Variants in NCALD observed in about 807,000 individuals in gnomAD.
NCALD encodes neurocalcin-delta.
A neutral mutation model predicts 18.6 loss-of-function variants in NCALD; 10 were observed. The observed-to-expected ratio is 0.54, with a 90% confidence interval of 0.33 to 0.91. The LOEUF is 0.91. Among genes scored for constraint, NCALD ranks in the 40% least tolerant of loss-of-function variants. NCALD has a pLI of 0.03. For synonymous variants in NCALD, 88 were observed against 87.4 expected, an observed-to-expected ratio of 1.01 and a Z score of -0.04; for missense variants, 184 against 247.6, an observed-to-expected ratio of 0.74 and a Z score of 1.72.
chr8:101,727,032 G>A (rs1446899307), intron 1 of NCALD, among the ~76,000 whole-genome samples: 1 of 152,210 alleles, frequency 6.6e-6, no homozygotes, highest in Non-Finnish European at 1.5e-5. Flanking sequence ...GCCCTCTTCA[G>A]TGTTGTGTCC....
chr8:101,811,664 T>C (rs1813309943), intron 4 of NCALD, among the ~76,000 whole-genome samples: 1 of 152,150 alleles, frequency 6.6e-6, no homozygotes, highest in Non-Finnish European at 1.5e-5. Flanking sequence ...AGAGTTTAAG[T>C]ATCCCAAGAG....
Position 102,030,767 on chromosome 8 carries a change from T to C in NCALD, c.-209-10478A>G, listed in dbSNP as rs1163660662. ...GGTGCACGCCTGTAATCCCAGCTAC[T>C]TGGGAGGCTGAGGCATGAGAATCAC... On this transcript the variant is annotated intron_variant, in intron 1 of 6. Coordinates refer to the NCALD transcript ENST00000311028. Among the ~76,000 whole-genome samples, 3 of 151,996 alleles carry C rather than the reference T, an allele frequency of 2.0e-5. No individual in the cohort carries two copies. The East Asian group carries it at 5.8e-4, about 29-fold the overall frequency.
intron 1 of NCALD, among the ~76,000 whole-genome samples, chr8:101,744,703 G>T (rs1235382622): frequency 6.6e-6 from 1 of 152,116 alleles, no homozygotes; most frequent in African/African-American, 2.4e-5. Flanking sequence ...GGAGCAGGAA[G>T]CTATTACAAT....
intron 1 of NCALD, among the ~76,000 whole-genome samples, chr8:101,783,708 G>T (rs780633685): frequency 2.6e-5 from 4 of 152,154 alleles, no homozygotes; most frequent in Non-Finnish European, 5.9e-5. Context: ...CTGCAGGGAG[G>T]GTCCCAGTCA....
At chr8:101,919,721 G>GA (rs1818096469) in intron 2 of NCALD, among the ~76,000 whole-genome samples, 1 of 151,170 alleles carries the variant, frequency 6.6e-6, no homozygotes, top group African/African-American at 2.4e-5. Context: ...CAAAAAATGT[G>GA]AACAGACATG....
At position 102,041,115 on chromosome 8, in the gene NCALD, A is replaced by G. The variant is rs749417834; in HGVS notation, c.-209-20826T>C. 4.9e-4 allele frequency among the ~76,000 whole-genome samples: 74 copies of G among 152,334 alleles called. 1 individual carries two copies. Among genetic ancestry groups the G allele is most frequent in the Non-Finnish European group, 8.5e-4 (58 of 68,016 alleles). Reference sequence around the variant, plus strand: ...ACTCTTACTGGTAGGAGAAAATAGCATATCTGAGCAAATATCTACTTATCT... The same window carrying G: ...ACTCTTACTGGTAGGAGAAAATAGCGTATCTGAGCAAATATCTACTTATCT... On this transcript the variant is annotated intron_variant, in intron 1 of 6. Transcript: ENST00000311028.
chr8:101,943,990 A>C (rs1368082149), intron 2 of NCALD, among the ~76,000 whole-genome samples: 1 of 149,930 alleles, frequency 6.7e-6, no homozygotes, highest in Admixed American at 6.6e-5. Flanking sequence ...AAAAAAAAAC[A>C]GAAAAAAACA....
chr8:101,826,352 C>A (rs149773282), intron 4 of NCALD, among the ~76,000 whole-genome samples: 90 of 152,260 alleles, frequency 5.9e-4, no homozygotes, highest in Non-Finnish European at 9.6e-4. Context: ...GCTAAAATAT[C>A]TTCAACATTC....
rs374779304 is a variant in NCALD, at chr8:101,999,661, A to T, written c.-157+20576T>A. ...AACTCCACCTGTTCCCCCAAAACCT[A>T]TTGAAATTCAATAAAATAAAAGCAG... On this transcript the variant is annotated intron_variant, in intron 2 of 6. Transcript: ENST00000311028. Among the ~76,000 whole-genome samples, 11 of 152,280 alleles carry T rather than the reference A, an allele frequency of 7.2e-5. 1 individual carries two copies. The East Asian group carries it at 1.3e-3, about 19-fold the overall frequency.
chr8:101,976,957 C>T lies in NCALD; in HGVS notation c.-157+43280G>A, dbSNP rs138275127. ...GAGGAAGTGGGGGCCAGGGACAGTG[C>T]CAGGAAGTTAGGGAGGGCCCCTGAC... On this transcript the variant is annotated intron_variant, in intron 2 of 6. Coordinates refer to the NCALD transcript ENST00000311028. Among the ~76,000 whole-genome samples, 685 of 148,932 alleles carry T rather than the reference C, an allele frequency of 4.6e-3. 7 individuals are homozygous for T. The highest frequency in any genetic ancestry group is 0.016 in the African/African-American group (621 of 39,080).
intron 2 of NCALD, chr8:101,693,318 G>A (rs942674708): frequency 5.0e-5 from 3 of 60,000 alleles, no homozygotes; most frequent in African/African-American, 7.1e-5. Context: ...CACACAGGGC[G>A]TTTTTTTTTT....
At chr8:101,764,299 G>A (rs1304635249) in intron 1 of NCALD, among the ~76,000 whole-genome samples, 1 of 152,154 alleles carries the variant, frequency 6.6e-6, no homozygotes, top group African/African-American at 2.4e-5. Flanking sequence ...CATTGAGAAG[G>A]AGCAGCTGTC....
At chr8:101,889,754 G>A (rs1816804143) in intron 3 of NCALD, among the ~76,000 whole-genome samples, 1 of 152,080 alleles carries the variant, frequency 6.6e-6, no homozygotes, top group African/African-American at 2.4e-5. Context: ...TGTGAATGAG[G>A]GTTTTCTTCC....
intron 1 of NCALD, among the ~76,000 whole-genome samples, chr8:102,024,494 A>C (rs1822386135): frequency 6.6e-6 from 1 of 152,188 alleles, no homozygotes; most frequent in Non-Finnish European, 1.5e-5. Flanking sequence ...TATCAAGGGC[A>C]CTTATCAGGG....
intron 1 of NCALD, among the ~76,000 whole-genome samples, chr8:102,106,755 T>C (rs1587096053): frequency 6.6e-6 from 1 of 152,152 alleles, no homozygotes; most frequent in East Asian, 1.9e-4. Context: ...AGGGGAGGTG[T>C]CCTGTGTGTA....
At chr8:102,035,350 T>C (rs1342907198) in intron 1 of NCALD, among the ~76,000 whole-genome samples, 1 of 152,178 alleles carries the variant, frequency 6.6e-6, no homozygotes, top group African/African-American at 2.4e-5. Flanking sequence ...ACAGAACACA[T>C]TCCCTCCCTC....
At chr8:102,024,910 C>G (rs1050488775) in intron 1 of NCALD, among the ~76,000 whole-genome samples, 24 of 152,322 alleles carry the variant, frequency 1.6e-4, no homozygotes, top group African/African-American at 5.3e-4. Flanking sequence ...CATATTCCAG[C>G]CTTGTCAAGT....
chr8:101,704,655 G>C lies in NCALD; in HGVS notation c.379-11759C>G, dbSNP rs184681371. 4.6e-5 allele frequency among the ~76,000 whole-genome samples: 7 copies of C among 152,290 alleles called. 1 individual carries two copies. The highest frequency in any genetic ancestry group is 4.6e-4 in the Admixed American group (7 of 15,300). ...ATGGGGGCCGGGCGCGGTGGTTCAT[G>C]CCTGTAATCCCAGCACTTTGGGAGG... On this transcript the variant is annotated intron_variant, in intron 2 of 3. Coordinates refer to ENST00000220931, the MANE Select transcript of NCALD (RefSeq NM_032041.3).
chr8:101,698,134 C>A (rs1471380779), intron 2 of NCALD, among the ~76,000 whole-genome samples: 2 of 152,060 alleles, frequency 1.3e-5, no homozygotes, highest in African/African-American at 2.4e-5. Context: ...TTTCTATACA[C>A]CAACAATAGA....
Sources: allele counts gnomAD v4.1 joint callset (sites outside exome capture counted in the v4.1 genomes callset), GRCh38; gene constraint gnomAD v4.1.1; transcripts MANE v1.5; gene names NCBI Gene and HGNC (gene_info 2026-07-23, HGNC 2026-07-21).